NAALADL2: variants seen among roughly 807,000 people sequenced by gnomAD.
NAALADL2 encodes inactive N-acetylated-alpha-linked acidic dipeptidase-like protein 2.
Under a neutral mutation model 87.2 loss-of-function variants are expected in NAALADL2, and 76 were observed. The observed-to-expected ratio is 0.87, with a 90% CI of 0.72 to 1.05. NAALADL2 has a LOEUF of 1.05. Among genes scored for constraint, NAALADL2 ranks in the 50% least tolerant of loss-of-function variants. NAALADL2 has a pLI of 0.00. For synonymous variants in NAALADL2, 354 were observed against 331.0 expected, an observed-to-expected ratio of 1.07 and a Z score of -0.75; for missense variants, 1,089 against 945.8, an observed-to-expected ratio of 1.15 and a Z score of -1.99.
At chr3:175,430,897 C>T (rs905838773) in intron 5 of NAALADL2, among the ~76,000 whole-genome samples, 1 of 151,880 alleles carries the variant, frequency 6.6e-6, no homozygotes, top group Admixed American at 6.6e-5. Context: ...TTAATATCAG[C>T]CTTAGATCAG....
intron 11 of NAALADL2, among the ~76,000 whole-genome samples, chr3:175,648,385 CTG>C (rs1300594811): frequency 1.3e-5 from 2 of 151,332 alleles, no homozygotes. Flanking sequence ...TTTTTGAAAA[CTG>C]GATATAATTC....
In NAALADL2 at chr3:174,802,760, G is replaced by T. The variant is rs927672438; in HGVS notation, c.-9+65014G>T. On this transcript the variant is annotated intron_variant, in intron 3 of 3. Coordinates refer to the NAALADL2 transcript ENST00000434257. ...TTGTTTTCTGTCCTTGTGACAGTTTGCTTAGAATGATGGTTTCCAGCTTCA... is the reference window on the plus strand; with the variant it reads ...TTGTTTTCTGTCCTTGTGACAGTTTTCTTAGAATGATGGTTTCCAGCTTCA... Among the ~76,000 whole-genome samples, 4 of 152,204 alleles carry T rather than the reference G, an allele frequency of 2.6e-5. No homozygotes were observed. The East Asian group carries it at 5.8e-4, about 22-fold the overall frequency.
intron 2 of NAALADL2, among the ~76,000 whole-genome samples, chr3:175,160,356 C>CTTTTTT (rs1732971358): frequency 1.8e-5 from 1 of 55,956 alleles, no homozygotes; most frequent in African/African-American, 5.0e-5. Flanking sequence ...TGTATCTTTT[C>CTTTTTT]TTTCTTTTTT....
At chr3:175,677,147 G>A (rs1424780456) in intron 11 of NAALADL2, among the ~76,000 whole-genome samples, 2 of 151,926 alleles carry the variant, frequency 1.3e-5, no homozygotes, top group African/African-American at 2.4e-5. Context: ...GGCAGATCAC[G>A]AGGTCAGGAG....
chr3:175,095,114 A>G (rs1012723831), intron 1 of NAALADL2, among the ~76,000 whole-genome samples: 21 of 152,024 alleles, frequency 1.4e-4, no homozygotes, highest in African/African-American at 4.8e-4. Context: ...ATCCTCAGCC[A>G]TAGAGTACCA....
chr3:175,232,146 AGAG>A (rs1324847677), intron 2 of NAALADL2, among the ~76,000 whole-genome samples: 15 of 151,784 alleles, frequency 9.9e-5, no homozygotes, highest in African/African-American at 1.5e-4. Context: ...AGGAAGAGGA[AGAG>A]GAAGAAGAAG....
At chr3:175,334,216 C>T (rs1231055427) in intron 5 of NAALADL2, among the ~76,000 whole-genome samples, 6 of 151,912 alleles carry the variant, frequency 3.9e-5, no homozygotes, top group African/African-American at 7.3e-5. Context: ...TAAGTCCTCT[C>T]GATGGACAAA....
At chr3:175,475,069 G>GTATTATA (rs1725495780) in intron 9 of NAALADL2, among the ~76,000 whole-genome samples, 2 of 147,438 alleles carry the variant, frequency 1.4e-5, no homozygotes, top group Admixed American at 6.9e-5. Context: ...ATATATTTGT[G>GTATTATA]TATTATATAT....
chr3:175,468,376 G>A (rs188877998), intron 8 of NAALADL2, among the ~76,000 whole-genome samples: 2 of 152,134 alleles, frequency 1.3e-5, no homozygotes, highest in Admixed American at 1.3e-4. Context: ...TTGTAAGTAA[G>A]CTGGAAATGA....
chr3:175,231,592 G>A (rs1414570106), intron 2 of NAALADL2, among the ~76,000 whole-genome samples: 1 of 152,018 alleles, frequency 6.6e-6, no homozygotes, highest in Admixed American at 6.6e-5. Context: ...AATGTTTTCA[G>A]TTGCTTGCAC....
At chr3:175,082,904 T>A (rs1034306725) in intron 1 of NAALADL2, among the ~76,000 whole-genome samples, 3 of 152,216 alleles carry the variant, frequency 2.0e-5, no homozygotes, top group Non-Finnish European at 4.4e-5. Context: ...TGGGCATAGC[T>A]AAATGGATTT....
chr3:175,084,192 A>G (rs1164955968), intron 1 of NAALADL2, among the ~76,000 whole-genome samples: 3 of 152,210 alleles, frequency 2.0e-5, no homozygotes, highest in Non-Finnish European at 4.4e-5. Context: ...TTGCTGAGTA[A>G]AAAGCTACCC....
chr3:174,881,595 TTTAC>T (rs558440353), intron 1 of NAALADL2, among the ~76,000 whole-genome samples: 506 of 152,268 alleles, frequency 3.3e-3, no homozygotes, highest in Middle Eastern at 0.014. Context: ...TGGTTTATTA[TTTAC>T]TTGTTTATTA....
chr3:175,315,595 C>T (rs981117749), intron 4 of NAALADL2, among the ~76,000 whole-genome samples: 7 of 151,968 alleles, frequency 4.6e-5, no homozygotes, highest in Non-Finnish European at 1.0e-4. Context: ...TTCATTTAAC[C>T]CTGTATGATT....
chr3:174,479,189 A>G (rs958078169), intron 1 of NAALADL2, among the ~76,000 whole-genome samples: 4 of 152,182 alleles, frequency 2.6e-5, no homozygotes, highest in African/African-American at 9.6e-5. Context: ...TGATAGAAGT[A>G]TTGAGATAGT....
intron 9 of NAALADL2, among the ~76,000 whole-genome samples, chr3:175,514,113 G>T (rs573907660): frequency 1.6e-4 from 24 of 152,316 alleles, no homozygotes; most frequent in Admixed American, 7.2e-4. Flanking sequence ...GGGTTGTATA[G>T]GGTCATGGTT....
At chr3:174,906,613 C>T (rs1732994992) in intron 1 of NAALADL2, among the ~76,000 whole-genome samples, 1 of 152,036 alleles carries the variant, frequency 6.6e-6, no homozygotes, top group South Asian at 2.1e-4. Context: ...CTGAATCTTG[C>T]CAACAAGCAT....
At chr3:174,748,325 C>T (rs1016443578) in intron 3 of NAALADL2, among the ~76,000 whole-genome samples, 1 of 109,282 alleles carries the variant, frequency 9.2e-6, no homozygotes, top group African/African-American at 3.1e-5. Flanking sequence ...AAATAAATTA[C>T]ATTTTTTTTT....
At chr3:175,666,602 G>A (rs1257108956) in intron 11 of NAALADL2, among the ~76,000 whole-genome samples, 5 of 152,078 alleles carry the variant, frequency 3.3e-5, no homozygotes, top group African/African-American at 9.7e-5. Context: ...TATTATGCAC[G>A]ATGAGCCCAC....
Sources: gnomAD v4.1 joint callset for allele counts (sites outside exome capture counted in the v4.1 genomes callset) on GRCh38, gnomAD v4.1.1 for gene constraint, MANE v1.5 for transcripts, NCBI Gene and HGNC (gene_info 2026-07-23, HGNC 2026-07-21) for gene names.